LRRC1: variants seen among roughly 807,000 people sequenced by gnomAD.
The protein encoded by LRRC1 is leucine-rich repeat-containing protein 1.
In LRRC1, 28 loss-of-function variants were observed where a neutral mutation model predicts 69.9. The ratio of observed to expected loss-of-function variants is 0.40; its 90% CI spans 0.30 to 0.55. The LOEUF is 0.55. LRRC1 is among the 20% of genes least tolerant of loss of function. The probability of loss-of-function intolerance (pLI) is 0.47; values close to 1 mark genes in which losing one functional copy is unlikely to be tolerated. For synonymous variants in LRRC1, 236 were observed against 240.2 expected (o/e 0.98, Z 0.16); for missense variants, 498 against 609.0 (o/e 0.82, Z 1.92).
intron 2 of LRRC1, among the ~76,000 whole-genome samples, chr6:53,876,741 G>A (rs750246009): frequency 3.9e-5 from 6 of 152,204 alleles, no homozygotes; most frequent in Non-Finnish European, 7.3e-5. Flanking sequence ...TCATGCTGAT[G>A]TAAGAGGTAT....
At chr6:53,855,737 A>G (rs867725511) in intron 2 of LRRC1, among the ~76,000 whole-genome samples, 24 of 152,186 alleles carry the variant, frequency 1.6e-4, no homozygotes, top group African/African-American at 5.8e-4. Context: ...AATCACAGGG[A>G]GCACCTTTGC....
At chr6:53,826,239 G>A (rs1459322150) in intron 1 of LRRC1, among the ~76,000 whole-genome samples, 1 of 149,086 alleles carries the variant, frequency 6.7e-6, no homozygotes, top group African/African-American at 2.5e-5. Context: ...CAGCTGTCCA[G>A]GTGTTCCTTT....
chr6:53,901,744 C>T (rs752763920), intron 8 of LRRC1, among the ~76,000 whole-genome samples: 1 of 152,134 alleles, frequency 6.6e-6, no homozygotes, highest in Non-Finnish European at 1.5e-5. Flanking sequence ...GATCTCCTGA[C>T]CGTGAGGGCA....
At chr6:53,831,457 A>G (rs189059224) in intron 1 of LRRC1, among the ~76,000 whole-genome samples, 1 of 152,328 alleles carries the variant, frequency 6.6e-6, no homozygotes. Flanking sequence ...AACTTTCCAG[A>G]ATAAATATAG....
At chr6:53,866,796 G>A (rs990261563) in intron 2 of LRRC1, among the ~76,000 whole-genome samples, 1 of 152,042 alleles carries the variant, frequency 6.6e-6, no homozygotes, top group Non-Finnish European at 1.5e-5. Context: ...TAAAGTTTTT[G>A]TTACTTTGAT....
At chr6:53,834,153 C>T (rs1476812251) in intron 1 of LRRC1, among the ~76,000 whole-genome samples, 1 of 152,096 alleles carries the variant, frequency 6.6e-6, no homozygotes, top group Non-Finnish European at 1.5e-5. Flanking sequence ...CTTCTGCTTT[C>T]CCTGTTTCTT....
intron 4 of LRRC1, among the ~76,000 whole-genome samples, chr6:53,886,681 T>C (rs1767491027): frequency 6.6e-6 from 1 of 152,216 alleles, no homozygotes; most frequent in African/African-American, 2.4e-5. Context: ...AATGTTAAAA[T>C]TTTTTACCTG....
intron 1 of LRRC1, among the ~76,000 whole-genome samples, chr6:53,798,805 T>C (rs1764379080): frequency 6.6e-6 from 1 of 152,260 alleles, no homozygotes; most frequent in Non-Finnish European, 1.5e-5. Flanking sequence ...TGCTTCTTTC[T>C]TTTCCCTTAA....
chr6:53,798,601 G>A (rs1253641474), intron 1 of LRRC1, among the ~76,000 whole-genome samples: 1 of 152,036 alleles, frequency 6.6e-6, no homozygotes, highest in Admixed American at 6.6e-5. Context: ...GGATGGTCTC[G>A]ATCTCCTGAC....
chr6:53,867,366 C>T (rs538471894), intron 2 of LRRC1, among the ~76,000 whole-genome samples: 3 of 151,796 alleles, frequency 2.0e-5, no homozygotes, highest in African/African-American at 4.8e-5. Context: ...ATGCCTGGGC[C>T]GAATCCAGGA....
intron 1 of LRRC1, among the ~76,000 whole-genome samples, chr6:53,834,031 C>T (rs1048285574): frequency 2.0e-5 from 3 of 152,182 alleles, no homozygotes; most frequent in Non-Finnish European, 4.4e-5. Context: ...CAGGACTGTC[C>T]TGCTGCTCTG....
chr6:53,853,022 C>T (rs1473077127), intron 2 of LRRC1, among the ~76,000 whole-genome samples: 3 of 152,120 alleles, frequency 2.0e-5, no homozygotes, highest in Admixed American at 1.3e-4. Flanking sequence ...AAAGATGGTG[C>T]CTTGTTGCCA....
chr6:53,852,484 T>G lies in LRRC1; in HGVS notation c.277+10257T>G, dbSNP rs375218503. Among the ~76,000 whole-genome samples, 24 of 152,292 alleles carry G rather than the reference T, an allele frequency of 1.6e-4. No individual in the cohort carries two copies. In the South Asian group the frequency reaches 5.0e-3, roughly 32 times the overall value. On this transcript the variant is annotated intron_variant, in intron 2 of 13. Coordinates refer to ENST00000370888, the MANE Select transcript of LRRC1 (RefSeq NM_018214.5). ...CCAGCCATTGTCCTGCTTCACCACA[T>G]GTGTCATTTAATCCACACACTAATT...
chr6:53,795,255 C>T lies in LRRC1; in HGVS notation c.-2C>T, dbSNP rs1456180799. 4 of 1,603,164 alleles carry T rather than the reference C, an allele frequency of 2.5e-6. No homozygotes were observed. The highest frequency in any genetic ancestry group is 2.2e-5 in the East Asian group (1 of 44,560). On this transcript the variant is annotated 5_prime_UTR_variant, in exon 1 of 14. Coordinates refer to ENST00000370888, the MANE Select transcript of LRRC1 (RefSeq NM_018214.5). ...CCCGGCTAGGCGGCGGCGGGGGCGG[C>T]GATGTTCCACTGCATCCCCCTGTGG...
In LRRC1 at chr6:53,853,905, G is replaced by A. The variant is rs750600163; in HGVS notation, c.277+11678G>A. ...AATCATCCCGTGATCCTTTCTCAAGGTGTGGATATTCACTAAGCACTGTGA... is the reference window on the plus strand; with the variant it reads ...AATCATCCCGTGATCCTTTCTCAAGATGTGGATATTCACTAAGCACTGTGA... On this transcript the variant is annotated intron_variant, in intron 2 of 13. Coordinates refer to ENST00000370888, the MANE Select transcript of LRRC1 (RefSeq NM_018214.5). Among the ~76,000 whole-genome samples, 73 of 152,178 alleles carry A rather than the reference G, an allele frequency of 4.8e-4. 2 individuals are homozygous for A. The highest frequency in any genetic ancestry group is 8.8e-5 in the Non-Finnish European group (6 of 68,036).
chr6:53,875,994 A>G (rs1223437014), intron 2 of LRRC1, among the ~76,000 whole-genome samples: 1 of 152,020 alleles, frequency 6.6e-6, no homozygotes, highest in Non-Finnish European at 1.5e-5. Context: ...TTTTTTTGGC[A>G]CCACGGACCG....
chr6:53,802,196 G>T (rs1270970346), intron 1 of LRRC1, among the ~76,000 whole-genome samples: 1 of 152,172 alleles, frequency 6.6e-6, no homozygotes, highest in East Asian at 1.9e-4. Flanking sequence ...AGGTGTCTAT[G>T]CAGAGGTGAA....
chr6:53,891,610 C>T (rs1767683588), intron 4 of LRRC1, among the ~76,000 whole-genome samples: 1 of 151,736 alleles, frequency 6.6e-6, no homozygotes, highest in Admixed American at 6.6e-5. Flanking sequence ...AGGTAATTTC[C>T]TGTGAAAACG....
At chr6:53,799,390 A>G (rs1359809203) in intron 1 of LRRC1, among the ~76,000 whole-genome samples, 1 of 152,238 alleles carries the variant, frequency 6.6e-6, no homozygotes, top group African/African-American at 2.4e-5. Context: ...TATTTAGTAC[A>G]TAGTGGGCAC....
Sources: gnomAD v4.1 joint callset for allele counts (sites outside exome capture counted in the v4.1 genomes callset) on GRCh38, gnomAD v4.1.1 for gene constraint, MANE v1.5 for transcripts, NCBI Gene and HGNC (gene_info 2026-07-23, HGNC 2026-07-21) for gene names.